The following MICAL2 variants were observed in gnomAD, a reference collection of about 807,000 sequenced individuals.
The protein encoded by MICAL2 is [F-actin]-monooxygenase MICAL2.
Under a neutral mutation model 127.3 loss-of-function variants are expected in MICAL2, and 77 were observed. The observed-to-expected ratio is 0.60, with a 90% CI of 0.50 to 0.73. The LOEUF is 0.73. Ranked by LOEUF, MICAL2 falls within the 30% of genes least tolerant of loss-of-function variation. The pLI, the probability that MICAL2 is intolerant of heterozygous loss-of-function variation, is 0.00. For synonymous variants in MICAL2, 570 were observed against 551.1 expected (o/e 1.03, Z -0.48); for missense variants, 1,351 against 1,434.4 (o/e 0.94, Z 0.94).
chr11:12,264,325 C>T (rs149858662), downstream of MICAL2, among the ~76,000 whole-genome samples: 564 of 152,276 alleles, frequency 3.7e-3, 7 homozygotes, highest in African/African-American at 0.013. Context: ...AGAGCCACTG[C>T]CATCCTAAGA....
chr11:12,129,636 C>CTTTTTTTTTTTTTTTTTT (rs559528778), intron 1 of MICAL2, among the ~76,000 whole-genome samples: 2 of 97,466 alleles, frequency 2.1e-5, no homozygotes, highest in African/African-American at 9.2e-5. Context: ...TCTTCTTCTT[C>CTTTTTTTTTTTTTTTTTT]TTTTTTTTTT....
At chr11:12,262,452 C>G (rs1165449329) in intron 26 of MICAL2, 28 bp from the exon 27 acceptor site, 1 of 1,613,212 alleles carries the variant, frequency 6.2e-7, no homozygotes, top group Non-Finnish European at 8.5e-7. Context: ...CTTTCTCTCT[C>G]TTTCCAATCT....
intron 3 of MICAL2, among the ~76,000 whole-genome samples, chr11:12,185,166 T>G (rs2133977701): frequency 1.4e-4 from 2 of 14,334 alleles, no homozygotes; most frequent in Admixed American, 1.0e-3. Flanking sequence ...TGTGGATGAA[T>G]GGGTGGGTGG....
chr11:12,207,521 G>A (rs539912423), intron 4 of MICAL2, among the ~76,000 whole-genome samples: 1 of 152,308 alleles, frequency 6.6e-6, no homozygotes, highest in African/African-American at 2.4e-5. Context: ...GCTTTGTGGG[G>A]AAAATTTCCT....
intron 22 of MICAL2, chr11:12,250,092 GACA>G (rs1366934743): frequency 1.3e-5 from 2 of 152,224 alleles, no homozygotes; most frequent in African/African-American, 4.8e-5. Flanking sequence ...GGGTGCGTGT[GACA>G]ACAGCTGCGT....
At chr11:12,347,960 C>T (rs1407110366) in intron 32 of MICAL2, among the ~76,000 whole-genome samples, 2 of 152,040 alleles carry the variant, frequency 1.3e-5, no homozygotes, top group African/African-American at 4.8e-5. Flanking sequence ...TCGAGACCAT[C>T]CTGGCCAACG....
chr11:12,353,546 T>C (rs1430573215), intron 33 of MICAL2, among the ~76,000 whole-genome samples: 1 of 152,240 alleles, frequency 6.6e-6, no homozygotes, highest in Non-Finnish European at 1.5e-5. Context: ...GTGGTCCTCC[T>C]TTCTTCTGAG....
chr11:12,134,429 A>G (rs927139205), intron 1 of MICAL2, among the ~76,000 whole-genome samples: 7 of 152,314 alleles, frequency 4.6e-5, no homozygotes, highest in African/African-American at 1.7e-4. Context: ...ACCAGGAAGC[A>G]CAGGGCTGGG....
At chr11:12,122,762 A>G (rs1339683285) in intron 1 of MICAL2, among the ~76,000 whole-genome samples, 1 of 152,208 alleles carries the variant, frequency 6.6e-6, no homozygotes, top group African/African-American at 2.4e-5. Context: ...CTGTGTGTGC[A>G]GTGAAGAACG....
intron 32 of MICAL2, among the ~76,000 whole-genome samples, chr11:12,338,273 C>A (rs567205273): frequency 2.0e-4 from 31 of 152,256 alleles, no homozygotes; most frequent in Admixed American, 5.9e-4. Flanking sequence ...ACTAGGCTTG[C>A]AACCCCTGCC....
At chr11:12,265,546 A>G (rs997790611), downstream of MICAL2, among the ~76,000 whole-genome samples, 1 of 152,262 alleles carries the variant, frequency 6.6e-6, no homozygotes, top group African/African-American at 2.4e-5. Flanking sequence ...AATATTAAAT[A>G]GACCATTAGA....
chr11:12,159,455 G>A (rs1163188387), intron 2 of MICAL2, among the ~76,000 whole-genome samples: 1 of 152,156 alleles, frequency 6.6e-6, no homozygotes, highest in South Asian at 2.1e-4. Context: ...TGCCTGCCAG[G>A]ACCTGGCTCT....
chr11:12,156,493 C>T (rs1854196725), intron 2 of MICAL2, among the ~76,000 whole-genome samples: 1 of 152,178 alleles, frequency 6.6e-6, no homozygotes, highest in Non-Finnish European at 1.5e-5. Context: ...GCAGTACACG[C>T]TCCTCTGTTT....
intron 27 of MICAL2, chr11:12,262,765 T>C (rs911567933): frequency 1.9e-6 from 1 of 515,500 alleles, no homozygotes; most frequent in Non-Finnish European, 3.5e-6. Flanking sequence ...CTACCCCAAG[T>C]GCATGCCCCG....
intron 26 of MICAL2, chr11:12,260,936 G>A: frequency 1.0e-6 from 1 of 985,490 alleles, no homozygotes; most frequent in Non-Finnish European, 1.2e-6. Context: ...GGCACTGCAG[G>A]GAAAGCCCAT....
intron 26 of MICAL2, chr11:12,261,575 G>T: frequency 2.0e-5 from 20 of 985,486 alleles, no homozygotes; most frequent in Non-Finnish European, 2.4e-5. Flanking sequence ...GCCCAAGATA[G>T]CTCTGTGGAG....
intron 22 of MICAL2, among the ~76,000 whole-genome samples, chr11:12,250,858 G>T (rs184880474): frequency 6.6e-6 from 1 of 152,298 alleles, no homozygotes; most frequent in East Asian, 1.9e-4. Context: ...CTCCCCAGGA[G>T]TGTGGTGTCT....
At chr11:12,236,959 T>C (rs745976788) in intron 16 of MICAL2, among the ~76,000 whole-genome samples, 110 of 152,210 alleles carry the variant, frequency 7.2e-4, no homozygotes, top group Non-Finnish European at 1.0e-3. Context: ...CTTAGAGGCA[T>C]GAGGGACGGT....
At chr11:12,111,343 C>G (rs1420883035) in intron 1 of MICAL2, among the ~76,000 whole-genome samples, 1 of 152,238 alleles carries the variant, frequency 6.6e-6, no homozygotes, top group Non-Finnish European at 1.5e-5. Context: ...CCCAGTAGCC[C>G]GCTCTCGCTC....
Sources: allele counts gnomAD v4.1 joint callset (sites outside exome capture counted in the v4.1 genomes callset), GRCh38; gene constraint gnomAD v4.1.1; transcripts MANE v1.5; gene names NCBI Gene and HGNC (gene_info 2026-07-23, HGNC 2026-07-21).